COPB1: variants seen among roughly 807,000 people sequenced by gnomAD.
COPB1 encodes the protein coatomer subunit beta.
Under a neutral mutation model 108.7 loss-of-function variants are expected in COPB1, and 21 were observed. That is an observed-to-expected ratio of 0.19 (90% confidence interval 0.14 to 0.28). The LOEUF (loss-of-function observed/expected upper bound fraction) is 0.28, where lower values mean the gene tolerates loss of function less well. Ranked by LOEUF, COPB1 falls within the 10% of genes least tolerant of loss-of-function variation. The pLI is 1.00. For synonymous variants in COPB1, 378 were observed against 386.8 expected, an observed-to-expected ratio of 0.98 and a Z score of 0.27; for missense variants, 919 against 1,141.3, an observed-to-expected ratio of 0.81 and a Z score of 2.81.
chr11:14,468,970 C>A, intron 15 of COPB1, 110 bp from the exon 16 acceptor site: 1 of 888,022 alleles, frequency 1.1e-6, no homozygotes, highest in Admixed American at 2.4e-5. Context: ...AACAAAACAA[C>A]AAGAAAACCC....
chr11:14,487,372 C>T (rs1850797409), intron 6 of COPB1, among the ~76,000 whole-genome samples: 1 of 152,074 alleles, frequency 6.6e-6, no homozygotes, highest in African/African-American at 2.4e-5. Context: ...CTAAACTATA[C>T]ACATGAATTA....
intron 15 of COPB1, 60 bp from the exon 16 acceptor site, chr11:14,468,920 T>G (rs1376937243): frequency 2.1e-6 from 3 of 1,416,254 alleles, no homozygotes; most frequent in Non-Finnish European, 2.9e-6. Context: ...TTTAGAGGCT[T>G]TTGACAGAGA....
intron 16 of COPB1, 136 bp downstream of exon 16, chr11:14,468,545 G>A (rs908852330): frequency 1.3e-6 from 1 of 752,490 alleles, no homozygotes; most frequent in Non-Finnish European, 2.2e-6. Context: ...ATCAGCTTCT[G>A]AGTTTCAACT....
chr11:14,470,383 T>G (rs1850373863), intron 14 of COPB1, among the ~76,000 whole-genome samples: 3 of 152,210 alleles, frequency 2.0e-5, no homozygotes, highest in African/African-American at 7.2e-5. Context: ...CGTGATCACC[T>G]GATGCTGCTA....
chr11:14,476,959 A>G lies in COPB1; in HGVS notation c.1415T>C (p.Ile472Thr). The change falls in exon 12 of 22, where the codon ATT (isoleucine) becomes ACT (threonine). Residue 472 changes from isoleucine (I) to threonine (T), a missense_variant. By Grantham distance (89) the Ile-to-Thr change is moderately conservative. This residue lies in a region of COPB1 where 705 missense variants were observed against 817.8 expected (regional missense o/e 0.86). Transcript: ENST00000439561. ...LGEYCSTKED[I>T]QSVMTEIRRS... Reference sequence around the variant, plus strand: ...GCGGATCTCAGTCATCACACTCTGAATGTCTTCCTTGGTACTACAGTATTC... The same window carrying G: ...GCGGATCTCAGTCATCACACTCTGAGTGTCTTCCTTGGTACTACAGTATTC... The G allele has an allele frequency of 6.2e-7, 1 of 1,613,062 alleles. No homozygotes were observed. The highest frequency in any genetic ancestry group is 1.7e-5 in the Admixed American group (1 of 60,018).
Position 14,480,984 on chromosome 11 carries a change from T to C in COPB1, c.1065+6A>G. The C allele has an allele frequency of 1.2e-6, 2 of 1,613,374 alleles. No homozygotes were observed. Among genetic ancestry groups the C allele is most frequent in the Non-Finnish European group, 1.7e-6 (2 of 1,179,472 alleles). ...GCTACAAAGTGCTGTCAGAGTTTCC[T>C]TTTACCTCTTCAACATTTCTAGAAG... is the stretch of plus-strand genomic sequence containing the variant. On this transcript the variant is annotated splice_donor_region_variant and intron_variant, in intron 9 of 21. Transcript: ENST00000439561.
In COPB1 at chr11:14,490,652, A is replaced by G; in HGVS notation, c.519T>C (p.Ala173=). 6.2e-7 allele frequency: 1 copy of G among 1,611,716 alleles called. No individual in the cohort carries two copies. Among genetic ancestry groups the G allele is most frequent in the Non-Finnish European group, 8.5e-7 (1 of 1,178,872 alleles). The change falls in exon 5 of 22, where the codon GCT becomes GCC. Residue 173 remains alanine (A), a synonymous_variant. Transcript: ENST00000439561. ...YRNFEHLIPD[A]PELIHDFLVN... is the part of the protein sequence containing the mutation. ...CCAGAAAATCATGTATCAGTTCAGG[A>G]GCATCAGGTATAAGATGTTCAAAAT...
At chr11:14,492,285 G>C (rs1014010882) in intron 4 of COPB1, among the ~76,000 whole-genome samples, 3 of 151,958 alleles carry the variant, frequency 2.0e-5, no homozygotes, top group African/African-American at 7.3e-5. Flanking sequence ...TCTGAAATTT[G>C]TGTAGTCTGT....
chr11:14,458,455 T>C, intron 21 of COPB1, 77 bp downstream of exon 21: 1 of 1,380,032 alleles, frequency 7.2e-7, no homozygotes, highest in Non-Finnish European at 9.9e-7. Context: ...AGATACTACA[T>C]ATAGAAATAA....
chr11:14,492,439 G>A (rs944364271), intron 4 of COPB1, among the ~76,000 whole-genome samples: 10 of 152,072 alleles, frequency 6.6e-5, no homozygotes, highest in African/African-American at 2.4e-4. Flanking sequence ...TGCCTCCCAG[G>A]TTCGAGCAAT....
chr11:14,473,718 T>A (rs1454991941), intron 14 of COPB1, among the ~76,000 whole-genome samples: 1 of 152,038 alleles, frequency 6.6e-6, no homozygotes, highest in Non-Finnish European at 1.5e-5. Flanking sequence ...AATGAAAAAG[T>A]TTGAAATATT....
intron 4 of COPB1, among the ~76,000 whole-genome samples, chr11:14,492,379 T>C (rs940609618): frequency 6.6e-6 from 1 of 152,098 alleles, no homozygotes; most frequent in African/African-American, 2.4e-5. Context: ...GTTTTGGTTT[T>C]GTTGCCCAGG....
chr11:14,465,435 C>T (rs575787427), intron 17 of COPB1, among the ~76,000 whole-genome samples: 74 of 152,220 alleles, frequency 4.9e-4, no homozygotes, highest in Non-Finnish European at 8.7e-4. Context: ...CAGGCTCAAG[C>T]GATCCTCCTA....
At chr11:14,476,892 A>T (rs767814439) in intron 12 of COPB1, 27 bp downstream of exon 12, 1 of 1,417,286 alleles carries the variant, frequency 7.1e-7, no homozygotes, top group Non-Finnish European at 1.0e-6. Flanking sequence ...TACCATATAA[A>T]CTAACATTTA....
At chr11:14,479,028 G>A (rs1321251787) in intron 11 of COPB1, 1 of 144,848 alleles carries the variant, frequency 6.9e-6, no homozygotes, top group African/African-American at 2.5e-5. Flanking sequence ...AGCAAATCCT[G>A]CTCTGCTCAC....
At chr11:14,481,175 G>A (rs1277565119) in intron 8 of COPB1, 78 bp from the exon 9 acceptor site, 4 of 1,032,948 alleles carry the variant, frequency 3.9e-6, no homozygotes, top group Admixed American at 4.4e-5. Context: ...CAGAATGGTG[G>A]GGTTTATCTA....
chr11:14,460,665 GGCT>G (rs1850125732), intron 19 of COPB1, among the ~76,000 whole-genome samples: 1 of 151,800 alleles, frequency 6.6e-6, no homozygotes, highest in African/African-American at 2.4e-5. Context: ...TACCACACCG[GGCT>G]AATTTTTGTA....
At chr11:14,479,445 T>C in intron 11 of COPB1, 124 bp downstream of exon 11, 1 of 873,704 alleles carries the variant, frequency 1.1e-6, no homozygotes, top group Non-Finnish European at 1.7e-6. Flanking sequence ...ATGCTTGTTG[T>C]ACAAACTTGT....
chr11:14,470,934 ACACACACACACT>A (rs1269507163), intron 14 of COPB1, among the ~76,000 whole-genome samples: 2 of 91,344 alleles, frequency 2.2e-5, no homozygotes, highest in African/African-American at 8.5e-5. Context: ...ACACACACAC[ACACACACACACT>A]CTCTCTCTCT....
Sources: allele counts gnomAD v4.1 joint callset (sites outside exome capture counted in the v4.1 genomes callset), GRCh38; gene constraint gnomAD v4.1.1; regional missense constraint gnomAD v4.1.1; transcripts MANE v1.5; gene names NCBI Gene and HGNC (gene_info 2026-07-23, HGNC 2026-07-21).